The following MYO9B variants were observed in gnomAD, a reference collection of about 807,000 sequenced individuals.
The protein encoded by MYO9B is unconventional myosin-IXb.
Under a neutral mutation model 229.5 loss-of-function variants are expected in MYO9B, and 71 were observed. The observed-to-expected ratio is 0.31, with a 90% CI of 0.26 to 0.38. The LOEUF is 0.38. MYO9B is among the 10% of genes least tolerant of loss of function. MYO9B has a pLI of 1.00. For synonymous variants in MYO9B, 1,185 were observed against 1,235.8 expected, an observed-to-expected ratio of 0.96 and a Z score of 0.86; for missense variants, 2,255 against 2,920.5, an observed-to-expected ratio of 0.77 and a Z score of 5.25.
At chr19:17,103,970 C>T (rs776544511) in intron 2 of MYO9B, among the ~76,000 whole-genome samples, 7 of 151,310 alleles carry the variant, frequency 4.6e-5, no homozygotes, top group African/African-American at 1.7e-4. Context: ...GCAGGAGAAT[C>T]GCTTGAACCC....
intron 30 of MYO9B, among the ~76,000 whole-genome samples, chr19:17,203,854 C>A (rs1306105583): frequency 6.6e-6 from 1 of 152,088 alleles, no homozygotes; most frequent in African/African-American, 2.4e-5. Context: ...GAACCATCGG[C>A]CCCTCCTTCC....
chr19:17,115,312 C>T (rs2057891019), intron 2 of MYO9B, among the ~76,000 whole-genome samples: 1 of 152,140 alleles, frequency 6.6e-6, no homozygotes, highest in Admixed American at 6.5e-5. Flanking sequence ...GAGTGCAGAG[C>T]CGAGTAATTG....
chr19:17,144,802 G>A (rs1057171393), intron 2 of MYO9B, among the ~76,000 whole-genome samples: 1 of 150,088 alleles, frequency 6.7e-6, no homozygotes, highest in Non-Finnish European at 1.5e-5. Context: ...AACCCCGTCT[G>A]TACTAAAAAT....
In MYO9B at chr19:17,093,555, G is replaced by C. The variant is rs189319615; in HGVS notation, c.-58-8105G>C. Among the ~76,000 whole-genome samples, 126 of 152,308 alleles carry C rather than the reference G, an allele frequency of 8.3e-4. No homozygotes were observed. In the Middle Eastern group the frequency reaches 0.017, roughly 21 times the overall value. ...TTAGATTTCCGACCATCTCCCTGCTGTGGTGTCTGAGGAACTGTGCCTGGG... is the reference window on the plus strand; with the variant it reads ...TTAGATTTCCGACCATCTCCCTGCTCTGGTGTCTGAGGAACTGTGCCTGGG... On this transcript the variant is annotated intron_variant, in intron 1 of 39. Transcript: ENST00000682292.
chr19:17,185,805 C>G (rs2072913254), intron 17 of MYO9B, 116 bp from the exon 18 acceptor site: 3 of 754,614 alleles, frequency 4.0e-6, no homozygotes, highest in Non-Finnish European at 6.8e-6. Flanking sequence ...GGACCCACAT[C>G]TGTGCAGACC....
At chr19:17,161,324 T>G (rs1489489499) in intron 8 of MYO9B, among the ~76,000 whole-genome samples, 1 of 152,100 alleles carries the variant, frequency 6.6e-6, no homozygotes, top group Non-Finnish European at 1.5e-5. Context: ...AACGCCTCAG[T>G]GTGCAGGCAC....
chr19:17,149,221 T>C (rs1368777359), intron 3 of MYO9B, among the ~76,000 whole-genome samples: 2 of 152,052 alleles, frequency 1.3e-5, no homozygotes, highest in African/African-American at 4.8e-5. Context: ...CAAGCGATCC[T>C]TCCACCTTGG....
intron 3 of MYO9B, among the ~76,000 whole-genome samples, chr19:17,151,778 G>A (rs1363671357): frequency 2.0e-5 from 3 of 152,128 alleles, no homozygotes; most frequent in Admixed American, 2.0e-4. Context: ...CTAGCCTGTA[G>A]TCCCAGCCAC....
chr19:17,152,934 AG>A (rs1325023682), intron 4 of MYO9B, among the ~76,000 whole-genome samples: 1 of 152,114 alleles, frequency 6.6e-6, no homozygotes, highest in Non-Finnish European at 1.5e-5. Context: ...GCCTCCCTGG[AG>A]GTTTTATCCC....
Position 17,153,608 on chromosome 19 carries a change from A to T in MYO9B, c.999-359A>T, listed in dbSNP as rs1306164224. Among the ~76,000 whole-genome samples the T allele has an allele frequency of 9.6e-4, 145 of 151,346 alleles. 3 individuals are homozygous for T. Among genetic ancestry groups the T allele is most frequent in the Non-Finnish European group, 1.2e-4 (8 of 67,850 alleles). On this transcript the variant is annotated intron_variant, in intron 4 of 39. Transcript: ENST00000682292. ...CTACTCAGGAGGCCGAGCTGGGAGG[A>T]TCACTTGAACCCAGGAGGTCGAGGC...
chr19:17,210,589 A>C lies in MYO9B; in HGVS notation c.5797-126A>C, dbSNP rs1002330843. ...CACCACTCTGTCCCATGGGATTCCT[A>C]GAGAAGTCTCACTAAGAGCCCAGCA... On this transcript the variant is annotated intron_variant, in intron 37 of 39. Coordinates refer to ENST00000682292, the MANE Select transcript of MYO9B (RefSeq NM_004145.4). 7.6e-6 allele frequency: 10 copies of C among 1,310,878 alleles called. No homozygotes were observed. The African/African-American group carries it at 1.4e-4, about 18-fold the overall frequency. The allele number at this position is 1,310,878 out of a possible 1,614,324, so 81.2% of individuals were successfully genotyped here.
rs768488779 is a variant in MYO9B, at chr19:17,198,288, G to A, written c.4218G>A (p.Pro1406=). The A allele has an allele frequency of 2.7e-5, 44 of 1,613,736 alleles. No homozygotes were observed. Among genetic ancestry groups the A allele is most frequent in the Admixed American group, 1.0e-4 (6 of 59,990 alleles). The change falls in exon 24 of 40, where the codon CCG becomes CCA. Residue 1406 remains proline, a synonymous_variant. Transcript: ENST00000682292. ...CCCTCCCAGACGCAGGGCTGTCCCC[G>A]GGCTCTCAGGTCGACTCTAAGTAAG... ...ASSLPDAGLS[P]GSQVDSKSTF...
At chr19:17,109,032 TTTTATTTATTTATTTATTTA>T (rs150315844) in intron 2 of MYO9B, among the ~76,000 whole-genome samples, 23,475 of 136,440 alleles carry the variant, frequency 0.17, 2,156 homozygotes, top group Non-Finnish European at 0.2. Flanking sequence ...TTTTTTTTAA[TTTTATTTATTTATTTATTTA>T]TTTATTTATT....
At chr19:17,160,254 G>A (rs746706488) in intron 8 of MYO9B, among the ~76,000 whole-genome samples, 4 of 152,204 alleles carry the variant, frequency 2.6e-5, no homozygotes, top group African/African-American at 7.2e-5. Context: ...AGGGCACCAC[G>A]TGATATTGCT....
intron 9 of MYO9B, among the ~76,000 whole-genome samples, chr19:17,162,677 A>G (rs2072616666): frequency 6.6e-6 from 1 of 151,806 alleles, no homozygotes; most frequent in South Asian, 2.1e-4. Flanking sequence ...TTATTCAAAA[A>G]CGACAGATTC....
chr19:17,204,156 A>G (rs529016985), intron 30 of MYO9B, among the ~76,000 whole-genome samples: 1 of 151,974 alleles, frequency 6.6e-6, no homozygotes, highest in Non-Finnish European at 1.5e-5. Context: ...AGGATGCGGG[A>G]CCCAGGCCCG....
intron 2 of MYO9B, among the ~76,000 whole-genome samples, chr19:17,139,654 C>T (rs897881688): frequency 6.6e-6 from 1 of 150,692 alleles, no homozygotes; most frequent in African/African-American, 2.5e-5. Flanking sequence ...GGGAGGATCA[C>T]CTTGAGCTCT....
chr19:17,089,341 C>T (rs1017969873), intron 1 of MYO9B, among the ~76,000 whole-genome samples: 3 of 152,118 alleles, frequency 2.0e-5, no homozygotes, highest in South Asian at 2.1e-4. Flanking sequence ...GAATGCTGCA[C>T]GATGCATCCT....
rs370693586 is a variant in MYO9B, at chr19:17,191,225, C to T, written c.2811+6C>T. ...ACCAGATCGGGAAGACCAAGGTCAG[C>T]GCTCCTGCCCCTCGGGGCACTACAA... On this transcript the variant is annotated splice_donor_region_variant and intron_variant, in intron 20 of 39. Coordinates refer to ENST00000682292, the MANE Select transcript of MYO9B (RefSeq NM_004145.4). The T allele has an allele frequency of 1.9e-5, 30 of 1,609,818 alleles. No individual in the cohort carries two copies. The Middle Eastern group carries it at 5.0e-4, about 27-fold the overall frequency.
Sources: gnomAD v4.1 joint callset for allele counts (sites outside exome capture counted in the v4.1 genomes callset) on GRCh38, gnomAD v4.1.1 for gene constraint, MANE v1.5 for transcripts, NCBI Gene and HGNC (gene_info 2026-07-23, HGNC 2026-07-21) for gene names.